Variants in CCDC178 observed in about 807,000 individuals in gnomAD.
CCDC178 encodes the protein coiled-coil domain-containing protein 178.
A neutral mutation model predicts 117.4 loss-of-function variants in CCDC178; 126 were observed. The observed-to-expected ratio is 1.07, with a 90% CI of 0.93 to 1.24. The LOEUF is 1.24. Among genes scored for constraint, CCDC178 ranks in the 50% most tolerant of loss-of-function variants. The pLI, the probability that CCDC178 is intolerant of heterozygous loss-of-function variation, is 0.00. For missense variants in CCDC178, 1,030 were observed against 986.9 expected, an observed-to-expected ratio of 1.04 and a Z score of -0.59; for synonymous variants, 283 against 313.4, an observed-to-expected ratio of 0.90 and a Z score of 1.02.
At chr18:33,378,027 G>C (rs979388967) in intron 5 of CCDC178, among the ~76,000 whole-genome samples, 5 of 152,156 alleles carry the variant, frequency 3.3e-5, no homozygotes, top group African/African-American at 1.2e-4. Context: ...TATGTAGATT[G>C]CTTTGAGCCA....
intron 21 of CCDC178, among the ~76,000 whole-genome samples, chr18:32,987,648 A>G (rs1469278801): frequency 6.6e-6 from 1 of 152,240 alleles, no homozygotes; most frequent in African/African-American, 2.4e-5. Context: ...ACTGTATAAA[A>G]TCTTATGAGA....
At chr18:33,379,041 C>A (rs2063399855) in intron 5 of CCDC178, among the ~76,000 whole-genome samples, 1 of 149,738 alleles carries the variant, frequency 6.7e-6, no homozygotes, top group Admixed American at 6.7e-5. Context: ...GCTGGCAACT[C>A]TAAATTTTGT....
intron 20 of CCDC178, among the ~76,000 whole-genome samples, chr18:33,200,677 C>T (rs2058980962): frequency 6.6e-6 from 1 of 152,196 alleles, no homozygotes; most frequent in African/African-American, 2.4e-5. Context: ...TTCCCACTTT[C>T]CAAGATTTAG....
At chr18:33,067,702 G>T (rs1377720840) in intron 21 of CCDC178, among the ~76,000 whole-genome samples, 1 of 152,064 alleles carries the variant, frequency 6.6e-6, no homozygotes, top group African/African-American at 2.4e-5. Context: ...AATTAGCCCG[G>T]CGTGGTGGGG....
chr18:33,296,959 G>T (rs1257370839), intron 11 of CCDC178, among the ~76,000 whole-genome samples: 1 of 152,164 alleles, frequency 6.6e-6, no homozygotes, highest in Non-Finnish European at 1.5e-5. Flanking sequence ...AGGAGGCAGA[G>T]GTTGTAGTGA....
At chr18:32,964,605 C>T (rs1006453648) in intron 22 of CCDC178, among the ~76,000 whole-genome samples, 1 of 151,918 alleles carries the variant, frequency 6.6e-6, no homozygotes, top group African/African-American at 2.4e-5. Flanking sequence ...GTGTACAGGG[C>T]ACATTGTATA....
rs80311128 is a variant in CCDC178, at chr18:33,178,492, T to G, written c.2238+33404A>C. ...CTTCACACTGCTGACAGTCATCCTC[T>G]TTATAAAGAGTCAGAATGGGTGTAT... On this transcript the variant is annotated intron_variant, in intron 20 of 22. Transcript: ENST00000383096. Among the ~76,000 whole-genome samples, 559 of 152,246 alleles carry G rather than the reference T, an allele frequency of 3.7e-3. 12 individuals carry two copies. In the East Asian group the frequency reaches 0.054, roughly 15 times the overall value.
At chr18:33,320,417 A>G (rs1393932685) in intron 11 of CCDC178, among the ~76,000 whole-genome samples, 1 of 152,170 alleles carries the variant, frequency 6.6e-6, no homozygotes, top group African/African-American at 2.4e-5. Flanking sequence ...AAATCAATGT[A>G]CAAAAATCAC....
intron 5 of CCDC178, among the ~76,000 whole-genome samples, chr18:33,380,546 T>C (rs1339517679): frequency 2.0e-5 from 3 of 152,200 alleles, no homozygotes; most frequent in Non-Finnish European, 4.4e-5. Context: ...GGAAACAAAG[T>C]GTGCTCCTTC....
At chr18:33,208,806 G>A (rs1020293859) in intron 20 of CCDC178, among the ~76,000 whole-genome samples, 3 of 152,120 alleles carry the variant, frequency 2.0e-5, no homozygotes, top group South Asian at 4.1e-4. Context: ...TATAGCCAGA[G>A]GAAGAGGTAT....
At position 33,379,864 on chromosome 18, in the gene CCDC178, A is replaced by T. The variant is rs1211593275; in HGVS notation, c.209-9675T>A. ...CTATGTGCAGAGTAGTGAGAGCCCT[A>T]CTGCACCATGATCTATGCATGGGAA... On this transcript the variant is annotated intron_variant, in intron 5 of 22. Transcript: ENST00000383096. Among the ~76,000 whole-genome samples, 10 of 152,242 alleles carry T rather than the reference A, an allele frequency of 6.6e-5. No individual in the cohort carries two copies. The East Asian group carries it at 1.2e-3, about 18-fold the overall frequency.
intron 20 of CCDC178, among the ~76,000 whole-genome samples, chr18:33,210,787 G>A (rs540431798): frequency 6.6e-6 from 1 of 152,004 alleles, no homozygotes; most frequent in Admixed American, 6.6e-5. Context: ...GCCACTAGAT[G>A]GCACCAATTA....
intron 15 of CCDC178, among the ~76,000 whole-genome samples, chr18:33,238,987 A>G (rs1036749072): frequency 2.0e-5 from 3 of 152,134 alleles, no homozygotes; most frequent in Non-Finnish European, 4.4e-5. Flanking sequence ...AAAGGCTTAA[A>G]AAAAACCCCT....
At chr18:33,034,008 C>A (rs1227323486) in intron 21 of CCDC178, among the ~76,000 whole-genome samples, 4 of 151,646 alleles carry the variant, frequency 2.6e-5, no homozygotes, top group Non-Finnish European at 5.9e-5. Context: ...CAACCCACAC[C>A]TAAAACTCAA....
At chr18:33,000,040 T>C (rs2055599764) in intron 21 of CCDC178, among the ~76,000 whole-genome samples, 1 of 151,908 alleles carries the variant, frequency 6.6e-6, no homozygotes, top group African/African-American at 2.4e-5. Flanking sequence ...TATGTGACCT[T>C]TCAGACAGGG....
chr18:33,036,598 C>T (rs547856044), intron 21 of CCDC178, among the ~76,000 whole-genome samples: 7 of 151,858 alleles, frequency 4.6e-5, no homozygotes, highest in South Asian at 2.1e-4. Context: ...GGGTATGGCA[C>T]GAGCAAAAGT....
chr18:33,142,145 T>A (rs2058213927), intron 20 of CCDC178, among the ~76,000 whole-genome samples: 1 of 152,198 alleles, frequency 6.6e-6, no homozygotes, highest in Non-Finnish European at 1.5e-5. Flanking sequence ...GTTTCTCAAC[T>A]GGGGTAATTT....
At chr18:33,126,911 T>C (rs761163237) in intron 20 of CCDC178, among the ~76,000 whole-genome samples, 30 of 151,084 alleles carry the variant, frequency 2.0e-4, no homozygotes, top group Non-Finnish European at 3.5e-4. Flanking sequence ...CACCTCAGTC[T>C]CCCAAAGTGC....
intron 10 of CCDC178, 102 bp from the exon 11 acceptor site, chr18:33,323,735 A>C: frequency 2.9e-6 from 2 of 690,960 alleles, no homozygotes; most frequent in South Asian, 5.6e-5. Context: ...AGTTCTTTAG[A>C]AACATTTTCT....
Sources: allele counts gnomAD v4.1 joint callset (sites outside exome capture counted in the v4.1 genomes callset), GRCh38; gene constraint gnomAD v4.1.1; transcripts MANE v1.5; gene names NCBI Gene and HGNC (gene_info 2026-07-23, HGNC 2026-07-21).